Variants in CSN3 observed in about 807,000 individuals in gnomAD.
CSN3 encodes the protein casein kappa.
Under a neutral mutation model 9.9 loss-of-function variants are expected in CSN3, and 7 were observed. That is an observed-to-expected ratio of 0.71 (90% CI 0.40 to 1.33). The LOEUF is 1.33. Ranked by LOEUF, CSN3 falls within the 40% of genes most tolerant of loss-of-function variation. CSN3 has a pLI of 0.01. For missense variants in CSN3, 253 were observed against 227.9 expected (o/e 1.11, Z -0.71); for synonymous variants, 88 against 82.3 (o/e 1.07, Z -0.37).
upstream of CSN3, among the ~76,000 whole-genome samples, chr4:70,241,973 A>T (rs1222582107): frequency 1.3e-5 from 2 of 151,990 alleles, no homozygotes; most frequent in African/African-American, 4.8e-5. Flanking sequence ...TTTAATTTTT[A>T]AAAATCAATA....
exon 5 of CSN3, chr4:70,251,359 C>T (rs1730479030): frequency 6.6e-6 from 1 of 152,222 alleles, no homozygotes; most frequent in Non-Finnish European, 1.5e-5. Context: ...CAGCTCTTCT[C>T]TCCTTACATT....
At chr4:70,239,808 C>T (rs1159793442), upstream of CSN3, among the ~76,000 whole-genome samples, 1 of 151,956 alleles carries the variant, frequency 6.6e-6, no homozygotes, top group East Asian at 1.9e-4. Context: ...TTTGATATTC[C>T]ACTTTGCTCT....
upstream of CSN3, among the ~76,000 whole-genome samples, chr4:70,241,839 C>T (rs566982085): frequency 8.6e-5 from 13 of 151,952 alleles, no homozygotes; most frequent in East Asian, 1.9e-4. Flanking sequence ...TCAATGCATA[C>T]GGGAGAAAAT....
chr4:70,242,548 G>A (rs1424618796), upstream of CSN3: 1 of 151,160 alleles, frequency 6.6e-6, no homozygotes, highest in Admixed American at 6.6e-5. Flanking sequence ...ATAGAATAGC[G>A]TGACTCAAGG....
At chr4:70,245,759 T>G (rs892647484) in intron 2 of CSN3, among the ~76,000 whole-genome samples, 1 of 152,184 alleles carries the variant, frequency 6.6e-6, no homozygotes, top group Non-Finnish European at 1.5e-5. Flanking sequence ...TAACATCTAT[T>G]AATTAATTCT....
intron 2 of CSN3, among the ~76,000 whole-genome samples, chr4:70,246,097 C>G (rs1315209286): frequency 6.6e-6 from 1 of 152,026 alleles, no homozygotes; most frequent in South Asian, 2.1e-4. Context: ...TTGATTTTAC[C>G]ATTCAATCTT....
chr4:70,251,322 C>G (rs1730478205), exon 5 of CSN3: 1 of 152,166 alleles, frequency 6.6e-6, no homozygotes, highest in Admixed American at 6.5e-5. Flanking sequence ...TGCCTTCAGT[C>G]AACAGAAAAT....
upstream of CSN3, among the ~76,000 whole-genome samples, chr4:70,239,853 A>G (rs1477459695): frequency 6.6e-6 from 1 of 151,898 alleles, no homozygotes; most frequent in East Asian, 1.9e-4. Flanking sequence ...ATTTTATGCT[A>G]TTTTTTCCAT....
At chr4:70,249,811 G>A (rs766082350) in intron 4 of CSN3, among the ~76,000 whole-genome samples, 9 of 152,144 alleles carry the variant, frequency 5.9e-5, no homozygotes, top group Non-Finnish European at 1.3e-4. Context: ...AACTATGACA[G>A]TAGAGTAAAA....
intron 2 of CSN3, among the ~76,000 whole-genome samples, chr4:70,247,088 A>T (rs577950029): frequency 1.1e-3 from 163 of 152,262 alleles, no homozygotes; most frequent in African/African-American, 3.7e-3. Context: ...CTATACTCAC[A>T]CCTTCCAAAA....
chr4:70,246,678 T>A (rs1730384380), intron 2 of CSN3, among the ~76,000 whole-genome samples: 1 of 150,046 alleles, frequency 6.7e-6, no homozygotes, highest in South Asian at 2.1e-4. Context: ...CTTCTTTTTT[T>A]TTTTTTTTTT....
upstream of CSN3, among the ~76,000 whole-genome samples, chr4:70,241,647 T>A (rs17148376): frequency 0.11 from 17,233 of 152,042 alleles, 1,293 homozygotes; most frequent in East Asian, 0.27. Flanking sequence ...CAAAATATTC[T>A]CAATGTCAGT....
At chr4:70,243,196 T>C in intron 1 of CSN3, 3 of 970,638 alleles carry the variant, frequency 3.1e-6, no homozygotes, top group Non-Finnish European at 3.7e-6. Context: ...GCGCAAAGTA[T>C]GGTCTTATCT....
upstream of CSN3, among the ~76,000 whole-genome samples, chr4:70,241,948 T>G (rs2109692518): frequency 6.6e-6 from 1 of 152,122 alleles, no homozygotes; most frequent in African/African-American, 2.4e-5. Context: ...TGGGTATGTG[T>G]GAGATGGCCA....
upstream of CSN3, among the ~76,000 whole-genome samples, chr4:70,240,450 A>C (rs1268642585): frequency 6.6e-6 from 1 of 151,932 alleles, no homozygotes; most frequent in Non-Finnish European, 1.5e-5. Flanking sequence ...ATGGATGCAT[A>C]AGTAGATAAA....
In CSN3 at chr4:70,245,405, A is replaced by G. The variant is rs75945220; in HGVS notation, c.54+532A>G. Among the ~76,000 whole-genome samples the G allele has an allele frequency of 5.8e-3, 876 of 152,226 alleles. 10 individuals carry two copies. Among genetic ancestry groups the G allele is most frequent in the African/African-American group, 0.02 (824 of 41,548 alleles). ...ATTAACTTTTGTTATATTCTTCCCC[A>G]TTATGTCAATTGACTGACCCCTTTC... is the stretch of plus-strand genomic sequence containing the variant. On this transcript the variant is annotated intron_variant, in intron 2 of 4. Transcript: ENST00000304954.
At chr4:70,249,526 G>A (rs3775737) in intron 4 of CSN3, 33 bp downstream of exon 4, 140,479 of 1,209,054 alleles carry the variant, frequency 0.12, 9,164 homozygotes, top group Non-Finnish European at 0.13. Context: ...GAGTAATTCC[G>A]ACAAGAAGCA....
At chr4:70,245,285 T>G (rs1433170069) in intron 2 of CSN3, among the ~76,000 whole-genome samples, 2 of 152,122 alleles carry the variant, frequency 1.3e-5, no homozygotes, top group East Asian at 3.9e-4. Flanking sequence ...GACTCCAATC[T>G]CTTTATGGAA....
At chr4:70,243,022 T>A (rs1167188980) in intron 1 of CSN3, 1 of 202,906 alleles carries the variant, frequency 4.9e-6, no homozygotes, top group Non-Finnish European at 8.7e-6. Context: ...ACCCCTTAAT[T>A]ACTTTCAAAT....
Sources: allele counts gnomAD v4.1 joint callset (sites outside exome capture counted in the v4.1 genomes callset), GRCh38; gene constraint gnomAD v4.1.1; transcripts MANE v1.5; gene names NCBI Gene and HGNC (gene_info 2026-07-23, HGNC 2026-07-21).